Variants in GUCY1A2 observed in about 807,000 individuals in gnomAD.
GUCY1A2 encodes guanylate cyclase 1 soluble subunit alpha 2.
Under a neutral mutation model 63.5 loss-of-function variants are expected in GUCY1A2, and 27 were observed. That is an observed-to-expected ratio of 0.43 (90% CI 0.31 to 0.59). The LOEUF (loss-of-function observed/expected upper bound fraction) is 0.59. Ranked by LOEUF, GUCY1A2 falls within the 20% of genes least tolerant of loss-of-function variation. The pLI, the probability that GUCY1A2 is intolerant of heterozygous loss-of-function variation, is 0.11. For missense variants in GUCY1A2, 768 were observed against 913.3 expected (o/e 0.84, Z 2.05); for synonymous variants, 364 against 343.5 (o/e 1.06, Z -0.66).
chr11:106,981,241 A>G (rs1346288338), intron 2 of GUCY1A2, among the ~76,000 whole-genome samples: 1 of 152,160 alleles, frequency 6.6e-6, no homozygotes, highest in Admixed American at 6.5e-5. Flanking sequence ...ATCAGAATTC[A>G]CCCATTCTTA....
chr11:106,825,028 C>G (rs1302854188), intron 4 of GUCY1A2: 5 of 1,494,936 alleles, frequency 3.3e-6, no homozygotes, highest in Admixed American at 2.1e-5. Context: ...TGTAGTTAGA[C>G]AATAGTTTTT....
chr11:106,824,655 A>G (rs1425889640), intron 4 of GUCY1A2: 4 of 862,036 alleles, frequency 4.6e-6, no homozygotes, highest in Middle Eastern at 3.7e-4. Flanking sequence ...TCATATTTGA[A>G]TAGAAATTTG....
At chr11:106,907,875 T>C (rs990385510) in intron 4 of GUCY1A2, among the ~76,000 whole-genome samples, 5 of 152,084 alleles carry the variant, frequency 3.3e-5, no homozygotes, top group African/African-American at 1.2e-4. Context: ...TATGTGTGCA[T>C]GGAGACACAG....
intron 7 of GUCY1A2, among the ~76,000 whole-genome samples, chr11:106,693,099 A>G (rs1237993231): frequency 1.3e-5 from 2 of 152,154 alleles, no homozygotes; most frequent in Non-Finnish European, 2.9e-5. Context: ...AAATTTGTCT[A>G]CTCACTACCC....
chr11:106,896,040 C>T (rs1012054386), intron 4 of GUCY1A2, among the ~76,000 whole-genome samples: 5 of 149,480 alleles, frequency 3.3e-5, no homozygotes, highest in East Asian at 3.9e-4. Flanking sequence ...ATATAGTATA[C>T]ATATATACAG....
intron 4 of GUCY1A2, among the ~76,000 whole-genome samples, chr11:106,894,120 T>C (rs981600705): frequency 7.9e-5 from 12 of 151,954 alleles, no homozygotes; most frequent in African/African-American, 2.9e-4. Context: ...AATACCCAAC[T>C]CCAATCAACT....
chr11:106,773,060 G>C (rs965258659), intron 6 of GUCY1A2, among the ~76,000 whole-genome samples: 1 of 151,870 alleles, frequency 6.6e-6, no homozygotes, highest in African/African-American at 2.4e-5. Flanking sequence ...ACATATATGT[G>C]CATATTAAAG....
At chr11:106,868,227 C>T (rs900262963) in intron 4 of GUCY1A2, among the ~76,000 whole-genome samples, 2 of 152,046 alleles carry the variant, frequency 1.3e-5, no homozygotes, top group African/African-American at 4.8e-5. Flanking sequence ...GTAGTCATAA[C>T]ATTGAATGAT....
chr11:106,756,515 T>A (rs1863976735), intron 6 of GUCY1A2, among the ~76,000 whole-genome samples: 1 of 152,218 alleles, frequency 6.6e-6, no homozygotes, highest in South Asian at 2.1e-4. Context: ...TAGTGCTTCC[T>A]TCAGGAGCTC....
intron 3 of GUCY1A2, among the ~76,000 whole-genome samples, chr11:106,976,015 C>T (rs906280559): frequency 6.6e-6 from 1 of 152,116 alleles, no homozygotes; most frequent in Non-Finnish European, 1.5e-5. Flanking sequence ...AGAAAAATTG[C>T]TACTATGATC....
intron 4 of GUCY1A2, among the ~76,000 whole-genome samples, chr11:106,937,390 T>C (rs192686655): frequency 6.6e-6 from 1 of 152,282 alleles, no homozygotes; most frequent in African/African-American, 2.4e-5. Context: ...AAATGAAATA[T>C]AAGGGGAAAA....
intron 4 of GUCY1A2, among the ~76,000 whole-genome samples, chr11:106,927,307 A>G (rs1327532762): frequency 6.6e-6 from 1 of 151,470 alleles, no homozygotes; most frequent in Non-Finnish European, 1.5e-5. Context: ...CGGGGGGCGG[A>G]GCTTGCAGTG....
At chr11:106,788,674 G>A (rs187068319) in intron 5 of GUCY1A2, among the ~76,000 whole-genome samples, 143 of 152,250 alleles carry the variant, frequency 9.4e-4, no homozygotes, top group Non-Finnish European at 1.1e-3. Flanking sequence ...TTTCCCAAAT[G>A]TATGTTCTTG....
At chr11:106,804,531 G>A (rs1591284400) in intron 5 of GUCY1A2, among the ~76,000 whole-genome samples, 1 of 152,276 alleles carries the variant, frequency 6.6e-6, no homozygotes, top group East Asian at 1.9e-4. Flanking sequence ...TCATTTTTCT[G>A]TGAAATCTAT....
intron 4 of GUCY1A2, among the ~76,000 whole-genome samples, chr11:106,815,433 T>C (rs1858817550): frequency 6.6e-6 from 1 of 151,848 alleles, no homozygotes; most frequent in Admixed American, 6.6e-5. Context: ...ATATGGATTC[T>C]AAATAAGGAT....
chr11:106,787,068 T>C (rs1442329328), intron 5 of GUCY1A2, among the ~76,000 whole-genome samples: 1 of 152,144 alleles, frequency 6.6e-6, no homozygotes, highest in African/African-American at 2.4e-5. Context: ...AGTGAAAATA[T>C]TAAGAATTCA....
intron 4 of GUCY1A2, among the ~76,000 whole-genome samples, chr11:106,867,273 C>T (rs1248780601): frequency 6.6e-6 from 1 of 152,012 alleles, no homozygotes; most frequent in Non-Finnish European, 1.5e-5. Flanking sequence ...ATAAAAGAGA[C>T]ATAAAGATAT....
At chr11:106,960,592 T>C (rs530156870) in intron 3 of GUCY1A2, among the ~76,000 whole-genome samples, 3 of 152,218 alleles carry the variant, frequency 2.0e-5, no homozygotes, top group Admixed American at 6.5e-5. Flanking sequence ...ATATTCAGGT[T>C]CCTTTACATT....
chr11:106,834,506 C>A (rs1031157356), intron 4 of GUCY1A2, among the ~76,000 whole-genome samples: 2 of 151,886 alleles, frequency 1.3e-5, no homozygotes, highest in Non-Finnish European at 2.9e-5. Context: ...GTTTGGCTTA[C>A]CTATATTGAT....
Sources: allele counts gnomAD v4.1 joint callset (sites outside exome capture counted in the v4.1 genomes callset), GRCh38; gene constraint gnomAD v4.1.1; transcripts MANE v1.5; gene names NCBI Gene and HGNC (gene_info 2026-07-23, HGNC 2026-07-21).